The following PTPRD variants were observed in gnomAD, a reference collection of about 807,000 sequenced individuals.
The protein encoded by PTPRD is receptor-type tyrosine-protein phosphatase delta.
PTPRD carries 34 observed loss-of-function variants against 214.5 expected under a neutral mutation model. The ratio of observed to expected loss-of-function variants is 0.16; its 90% CI spans 0.12 to 0.21. The LOEUF is 0.21. Ranked by LOEUF, PTPRD falls within the 10% of genes least tolerant of loss-of-function variation. PTPRD has a pLI of 1.00. For missense variants in PTPRD, 2,545 were observed against 2,398.7 expected, an observed-to-expected ratio of 1.06 and a Z score of -1.27; for synonymous variants, 1,128 against 845.7, an observed-to-expected ratio of 1.33 and a Z score of -5.79.
chr9:8,858,796 AACACACACAC>A (rs71317379), intron 11 of PTPRD, among the ~76,000 whole-genome samples: 36 of 141,792 alleles, frequency 2.5e-4, no homozygotes, highest in African/African-American at 3.1e-4. Flanking sequence ...TGAAGGAGGC[AACACACACAC>A]ACACACACAC....
chr9:8,720,966 T>G (rs2098487893), intron 12 of PTPRD, among the ~76,000 whole-genome samples: 1 of 152,024 alleles, frequency 6.6e-6, no homozygotes, highest in Non-Finnish European at 1.5e-5. Flanking sequence ...GAATCATGAG[T>G]GTGTGTTTTA....
chr9:8,637,392 C>T lies in PTPRD; in HGVS notation c.65-548G>A, dbSNP rs76296023. On this transcript the variant is annotated intron_variant, in intron 12 of 45. Coordinates refer to ENST00000381196, the MANE Select transcript of PTPRD (RefSeq NM_002839.4). ...GGAAAATGGTAAAGTGACTCTCTAA[C>T]CCAGATATTGTAAGCTGTCTTACTT... Among the ~76,000 whole-genome samples, 3 of 152,292 alleles carry T rather than the reference C, an allele frequency of 2.0e-5. No individual in the cohort carries two copies. The East Asian group carries it at 5.8e-4, about 29-fold the overall frequency.
intron 12 of PTPRD, among the ~76,000 whole-genome samples, chr9:8,696,037 C>T (rs1451178365): frequency 1.3e-5 from 2 of 152,166 alleles, no homozygotes; most frequent in Non-Finnish European, 2.9e-5. Context: ...CAGTATGACA[C>T]CTGACATAAG....
intron 3 of PTPRD, among the ~76,000 whole-genome samples, chr9:10,151,138 G>T (rs2030033133): frequency 1.4e-5 from 2 of 141,028 alleles, no homozygotes; most frequent in African/African-American, 5.3e-5. Flanking sequence ...TCGGCTCACT[G>T]TAACATTTGC....
intron 7 of PTPRD, among the ~76,000 whole-genome samples, chr9:9,661,242 C>T (rs1383923590): frequency 2.0e-5 from 3 of 151,780 alleles, no homozygotes; most frequent in Non-Finnish European, 4.4e-5. Context: ...AATTAAGACT[C>T]GATTTTCAAT....
chr9:9,507,329 T>A (rs2096593817), intron 8 of PTPRD, among the ~76,000 whole-genome samples: 1 of 151,226 alleles, frequency 6.6e-6, no homozygotes, highest in African/African-American at 2.4e-5. Context: ...GAATGCTACC[T>A]GGGTAATAGG....
intron 10 of PTPRD, among the ~76,000 whole-genome samples, chr9:9,177,916 A>G (rs2131290368): frequency 6.6e-6 from 1 of 152,308 alleles, no homozygotes; most frequent in African/African-American, 2.4e-5. Flanking sequence ...ACTATTTGAT[A>G]CATGGTATTT....
chr9:8,974,300 A>G (rs1421492826), intron 11 of PTPRD, among the ~76,000 whole-genome samples: 1 of 152,108 alleles, frequency 6.6e-6, no homozygotes, highest in Non-Finnish European at 1.5e-5. Context: ...TTTATTGAAT[A>G]GGGAATCTTT....
intron 10 of PTPRD, among the ~76,000 whole-genome samples, chr9:9,043,531 T>C (rs891462764): frequency 6.6e-6 from 1 of 152,164 alleles, no homozygotes; most frequent in African/African-American, 2.4e-5. Flanking sequence ...TAAACCATCA[T>C]GGAGAAGGTG....
intron 8 of PTPRD, among the ~76,000 whole-genome samples, chr9:9,463,391 G>A (rs762246720): frequency 2.0e-5 from 3 of 152,142 alleles, no homozygotes; most frequent in African/African-American, 7.2e-5. Context: ...GGAGGGAGGG[G>A]CAGGAAGAGG....
chr9:9,474,949 G>C lies in PTPRD; in HGVS notation c.-236-77467C>G, dbSNP rs1389211290. Reference sequence around the variant, plus strand: ...TTCTTTCTCTGGCCTAACTTCTCTAGCTGGAACCTCTGTTTTCTCAAGTTT... The same window carrying C: ...TTCTTTCTCTGGCCTAACTTCTCTACCTGGAACCTCTGTTTTCTCAAGTTT... On this transcript the variant is annotated intron_variant, in intron 8 of 45. Coordinates refer to ENST00000381196, the MANE Select transcript of PTPRD (RefSeq NM_002839.4). 3.9e-5 allele frequency among the ~76,000 whole-genome samples: 6 copies of C among 152,052 alleles called. No homozygotes were observed. The East Asian group carries it at 1.2e-3, about 30-fold the overall frequency.
intron 7 of PTPRD, among the ~76,000 whole-genome samples, chr9:9,706,611 T>C (rs2097616257): frequency 6.6e-6 from 1 of 152,066 alleles, no homozygotes; most frequent in South Asian, 2.1e-4. Context: ...AGCTATTTTT[T>C]GTATTTTTAG....
chr9:9,519,670 A>G (rs1490443251), intron 8 of PTPRD, among the ~76,000 whole-genome samples: 3 of 152,048 alleles, frequency 2.0e-5, no homozygotes, highest in Non-Finnish European at 2.9e-5. Context: ...AACTACAAAT[A>G]TAACTATAAA....
At chr9:10,408,519 G>C (rs1019691750) in intron 2 of PTPRD, among the ~76,000 whole-genome samples, 2 of 151,672 alleles carry the variant, frequency 1.3e-5, no homozygotes, top group South Asian at 2.1e-4. Context: ...GGAAGAGAAA[G>C]CTGGTATTTT....
At chr9:8,918,450 A>C (rs981080550) in intron 11 of PTPRD, among the ~76,000 whole-genome samples, 10 of 152,168 alleles carry the variant, frequency 6.6e-5, no homozygotes, top group Admixed American at 4.6e-4. Flanking sequence ...GCAGTAAAAA[A>C]AATTCAGCCC....
At chr9:10,600,455 A>G (rs891193295) in intron 2 of PTPRD, among the ~76,000 whole-genome samples, 2 of 151,762 alleles carry the variant, frequency 1.3e-5, no homozygotes, top group African/African-American at 2.4e-5. Context: ...CATACTCAAC[A>G]GATGTTAGAG....
intron 9 of PTPRD, among the ~76,000 whole-genome samples, chr9:9,247,169 G>A (rs921030920): frequency 6.6e-6 from 1 of 152,060 alleles, no homozygotes; most frequent in Non-Finnish European, 1.5e-5. Context: ...TTGTCTGATA[G>A]CAGGTCATAA....
At chr9:9,013,179 T>G (rs1463085452) in intron 11 of PTPRD, among the ~76,000 whole-genome samples, 2 of 152,000 alleles carry the variant, frequency 1.3e-5, no homozygotes, top group Non-Finnish European at 2.9e-5. Flanking sequence ...TCTGAGGCAT[T>G]GGGGGTTTAC....
intron 10 of PTPRD, among the ~76,000 whole-genome samples, chr9:9,146,974 T>G (rs1167826617): frequency 6.6e-6 from 1 of 152,164 alleles, no homozygotes; most frequent in Non-Finnish European, 1.5e-5. Context: ...AAAAACATTT[T>G]CTGATTGATT....
Sources: allele counts gnomAD v4.1 joint callset (sites outside exome capture counted in the v4.1 genomes callset), GRCh38; gene constraint gnomAD v4.1.1; transcripts MANE v1.5; gene names NCBI Gene and HGNC (gene_info 2026-07-23, HGNC 2026-07-21).